The following SIMC1 variants were observed in gnomAD, a reference collection of about 807,000 sequenced individuals.
SIMC1 encodes the protein SUMO interacting motifs containing 1, also known as SUMO-interacting motif-containing protein 1.
Under a neutral mutation model 82.3 loss-of-function variants are expected in SIMC1, and 55 were observed. The observed-to-expected ratio is 0.67, with a 90% CI of 0.54 to 0.84. The LOEUF (loss-of-function observed/expected upper bound fraction) is 0.84. SIMC1 is among the 40% of genes least tolerant of loss of function. The pLI is 0.00. For synonymous variants in SIMC1, 353 were observed against 426.3 expected (o/e 0.83, Z 2.12); for missense variants, 915 against 1,107.2 (o/e 0.83, Z 2.46).
intron 1 of SIMC1, among the ~76,000 whole-genome samples, chr5:176,280,800 G>A (rs531791218): frequency 3.9e-5 from 6 of 152,134 alleles, no homozygotes; most frequent in Non-Finnish European, 7.4e-5. Context: ...CAAGAGATCC[G>A]CTGTTAGTCT....
chr5:176,300,684 A>T (rs1415379499), intron 4 of SIMC1, among the ~76,000 whole-genome samples: 1 of 152,130 alleles, frequency 6.6e-6, no homozygotes, highest in Non-Finnish European at 1.5e-5. Flanking sequence ...AAAAAGAGAG[A>T]AGATTCAAAT....
At chr5:176,313,543 T>C in intron 4 of SIMC1, 148 bp from the exon 5 acceptor site, 1 of 1,546,268 alleles carries the variant, frequency 6.5e-7, no homozygotes, top group Non-Finnish European at 8.8e-7. Flanking sequence ...CCAGACTACC[T>C]GCCCTCTCCT....
At position 176,337,063 on chromosome 5, in the gene SIMC1, C is replaced by A; in HGVS notation, c.2330C>A (p.Ser777Ter). Residue 777 changes from serine (S) to a stop codon, truncating the protein, a stop_gained and splice_region_variant, in exon 9 of 10, where the codon TCA (serine) becomes TAA (stop). Coordinates refer to ENST00000429602, the MANE Select transcript of SIMC1 (RefSeq NM_001308195.2). LOFTEE classifies it high-confidence loss of function. ...CAATCCATTTTACTATCTCTGCAGT[C>A]AGATAAAAGCCAGTGGCAGACTTGG... Reference protein sequence around the residue: ...NNSTSLLKCQSDKSQWQTWDE... With the variant: ...NNSTSLLKCQ 6.2e-7 allele frequency: 1 copy of A among 1,613,802 alleles called. No homozygotes were observed. Among genetic ancestry groups the A allele is most frequent in the South Asian group, 1.1e-5 (1 of 91,014 alleles).
chr5:176,325,838 T>G (rs554184901), intron 7 of SIMC1, among the ~76,000 whole-genome samples: 4 of 152,044 alleles, frequency 2.6e-5, no homozygotes, highest in Admixed American at 6.6e-5. Flanking sequence ...AATAGATATA[T>G]CCAATATTAG....
chr5:176,280,514 C>A (rs907421464), intron 1 of SIMC1, among the ~76,000 whole-genome samples: 2 of 151,650 alleles, frequency 1.3e-5, no homozygotes, highest in African/African-American at 4.8e-5. Flanking sequence ...TTAGTTGATG[C>A]AGTTTCTTCC....
At chr5:176,311,950 C>A (rs1215940364) in intron 4 of SIMC1, among the ~76,000 whole-genome samples, 3 of 152,088 alleles carry the variant, frequency 2.0e-5, no homozygotes, top group African/African-American at 7.2e-5. Flanking sequence ...GGTGTAACAT[C>A]CTTATCTTCC....
At chr5:176,310,363 A>G (rs1561714904) in intron 4 of SIMC1, among the ~76,000 whole-genome samples, 1 of 152,220 alleles carries the variant, frequency 6.6e-6, no homozygotes, top group Non-Finnish European at 1.5e-5. Context: ...CCAAATATTC[A>G]TAGGAGCTTT....
At chr5:176,322,569 A>G in intron 6 of SIMC1, 144 bp downstream of exon 6, 1 of 1,048,778 alleles carries the variant, frequency 9.5e-7, no homozygotes, top group Non-Finnish European at 1.3e-6. Context: ...TAGTTTAACT[A>G]GAGGCTAAAT....
chr5:176,272,569 C>G (rs1266291860), intron 1 of SIMC1, among the ~76,000 whole-genome samples: 1 of 152,188 alleles, frequency 6.6e-6, no homozygotes, highest in Non-Finnish European at 1.5e-5. Context: ...GTTCATCTCA[C>G]TGGGGCTTGT....
rs1765720970 is a variant in SIMC1 at position 176,332,765 on chromosome 5, A to T, written c.2172-3955A>T. On this transcript the variant is annotated intron_variant, in intron 7 of 9. Coordinates refer to ENST00000429602, the MANE Select transcript of SIMC1 (RefSeq NM_001308195.2). ...ATTAAAATTATTAAAGAGTTCAGAG[A>T]CAACCCAGATAATCTTTTTCCAATT... Among the ~76,000 whole-genome samples the T allele has an allele frequency of 4.6e-5, 7 of 152,332 alleles. No individual in the cohort carries two copies. In the South Asian group the frequency reaches 1.2e-3, roughly 27 times the overall value.
At chr5:176,249,843 C>CAAAA (rs66752759) in intron 1 of SIMC1, among the ~76,000 whole-genome samples, 2,339 of 79,384 alleles carry the variant, frequency 0.029, 147 homozygotes, top group East Asian at 0.21. Context: ...GATTCCGTCT[C>CAAAA]AAAAAAAAAA....
intron 1 of SIMC1, among the ~76,000 whole-genome samples, chr5:176,246,627 A>C (rs939666623): frequency 2.6e-5 from 4 of 151,808 alleles, no homozygotes; most frequent in African/African-American, 4.8e-5. Context: ...TATTATTATT[A>C]TTCTTTAAGT....
At chr5:176,275,290 T>C (rs973724655) in intron 1 of SIMC1, among the ~76,000 whole-genome samples, 11 of 151,942 alleles carry the variant, frequency 7.2e-5, no homozygotes, top group African/African-American at 2.7e-4. Context: ...TATTGGTGTA[T>C]AAGAATGCTT....
chr5:176,257,901 ACC>A (rs1761899805), intron 1 of SIMC1, among the ~76,000 whole-genome samples: 1 of 152,240 alleles, frequency 6.6e-6, no homozygotes, highest in South Asian at 2.1e-4. Flanking sequence ...GCCAGTAGTA[ACC>A]CCTCAACTTG....
rs1008495886 is a variant in SIMC1 at position 176,251,782 on chromosome 5, T to C, written c.129+13145T>C. On this transcript the variant is annotated intron_variant, in intron 1 of 9. Coordinates refer to ENST00000429602, the MANE Select transcript of SIMC1 (RefSeq NM_001308195.2). ...CTTGAGATTAGGGAGTGGTGATGAC[T>C]CTTAACGAGCATGCTGCCTTCAAGC... 4.6e-5 allele frequency among the ~76,000 whole-genome samples: 7 copies of C among 150,824 alleles called. No homozygotes were observed. The South Asian group carries it at 1.3e-3, about 27-fold the overall frequency.
intron 7 of SIMC1, among the ~76,000 whole-genome samples, chr5:176,330,722 G>T (rs1454489339): frequency 6.6e-6 from 1 of 152,184 alleles, no homozygotes; most frequent in Non-Finnish European, 1.5e-5. Context: ...GCCAACTAAT[G>T]TTAGAAAAAA....
chr5:176,286,284 C>G (rs763520846), intron 1 of SIMC1, among the ~76,000 whole-genome samples: 4 of 152,266 alleles, frequency 2.6e-5, no homozygotes, highest in African/African-American at 9.6e-5. Context: ...GGTACCAAAA[C>G]AGAGATATAG....
At chr5:176,308,388 G>C in intron 4 of SIMC1, 1 of 1,601,760 alleles carries the variant, frequency 6.2e-7, no homozygotes, top group Admixed American at 1.7e-5. Context: ...GAAGTTGGCT[G>C]AACTGACAGG....
rs557892992 is a variant in SIMC1, at chr5:176,282,418, C to T, written c.130-7236C>T. Among the ~76,000 whole-genome samples, 46 of 152,350 alleles carry T rather than the reference C, an allele frequency of 3.0e-4. No individual in the cohort carries two copies. In the East Asian group the frequency reaches 5.6e-3, roughly 19 times the overall value. ...CAATGCCTCGCCCTGCTTCGGCTCG[C>T]GCATGGTGCGCTGCACCCACTGACC... On this transcript the variant is annotated intron_variant, in intron 1 of 9. Coordinates refer to ENST00000429602, the MANE Select transcript of SIMC1 (RefSeq NM_001308195.2).
Sources: allele counts gnomAD v4.1 joint callset (sites outside exome capture counted in the v4.1 genomes callset), GRCh38; gene constraint gnomAD v4.1.1; transcripts MANE v1.5; gene names NCBI Gene and HGNC (gene_info 2026-07-23, HGNC 2026-07-21).